TMTC3: variants seen among roughly 807,000 people sequenced by gnomAD.
The protein encoded by TMTC3 is protein O-mannosyl-transferase TMTC3.
TMTC3 carries 52 observed loss-of-function variants against 92.2 expected under a neutral mutation model. The observed-to-expected ratio is 0.56, with a 90% CI of 0.45 to 0.71. The LOEUF (loss-of-function observed/expected upper bound fraction) is 0.71. TMTC3 is among the 30% of genes least tolerant of loss of function. The probability of loss-of-function intolerance (pLI) is 0.00; values close to 1 mark genes in which losing one functional copy is unlikely to be tolerated. For missense variants in TMTC3, 896 were observed against 1,057.1 expected, an observed-to-expected ratio of 0.85 and a Z score of 2.11; for synonymous variants, 339 against 363.3, an observed-to-expected ratio of 0.93 and a Z score of 0.76.
At chr12:88,192,096 G>T (rs1388362584) in intron 12 of TMTC3, among the ~76,000 whole-genome samples, 5 of 147,600 alleles carry the variant, frequency 3.4e-5, no homozygotes, top group African/African-American at 1.3e-4. Context: ...TATAAGAAGG[G>T]GTTACAGATT....
At chr12:88,146,466 G>C (rs2040875017) in intron 1 of TMTC3, among the ~76,000 whole-genome samples, 1 of 151,908 alleles carries the variant, frequency 6.6e-6, no homozygotes, top group African/African-American at 2.4e-5. Flanking sequence ...GCAGAGACTA[G>C]TTTTCAAAGC....
chr12:88,185,327 C>G (rs2041364391), intron 10 of TMTC3, among the ~76,000 whole-genome samples: 1 of 151,672 alleles, frequency 6.6e-6, no homozygotes, highest in East Asian at 1.9e-4. Flanking sequence ...GAATTATACT[C>G]TATGGACTCT....
At chr12:88,158,710 T>C (rs1468503612) in intron 4 of TMTC3, among the ~76,000 whole-genome samples, 1 of 152,114 alleles carries the variant, frequency 6.6e-6, no homozygotes, top group Non-Finnish European at 1.5e-5. Flanking sequence ...TATATTTAGA[T>C]TTAAGTCAAT....
At chr12:88,144,017 C>T (rs2040836089) in intron 1 of TMTC3, among the ~76,000 whole-genome samples, 1 of 152,140 alleles carries the variant, frequency 6.6e-6, no homozygotes, top group Non-Finnish European at 1.5e-5. Context: ...TTTTAGGATG[C>T]TAATGCATTA....
In TMTC3 at chr12:88,184,416, G is replaced by A. The variant is rs142584904; in HGVS notation, c.1433-4427G>A. On this transcript the variant is annotated intron_variant, in intron 10 of 13. Transcript: ENST00000266712. ...CAGACTCCTGATAAGAGAATCTGGC[G>A]GCCTTCAGCCATAATTCCCTTCGGA... Among the ~76,000 whole-genome samples the A allele has an allele frequency of 4.2e-4, 64 of 152,272 alleles. 1 individual carries two copies. The highest frequency in any genetic ancestry group is 1.4e-3 in the African/African-American group (57 of 41,550).
intron 10 of TMTC3, among the ~76,000 whole-genome samples, chr12:88,185,563 T>C (rs1383210608): frequency 6.6e-6 from 1 of 152,184 alleles, no homozygotes; most frequent in Non-Finnish European, 1.5e-5. Flanking sequence ...TACCAGTCTT[T>C]ATGGATATAT....
intron 10 of TMTC3, among the ~76,000 whole-genome samples, chr12:88,185,228 C>T (rs919743664): frequency 1.4e-4 from 21 of 152,206 alleles, no homozygotes; most frequent in Middle Eastern, 6.8e-3. Flanking sequence ...CTGATACCTC[C>T]CTCTTACCCC....
At chr12:88,194,408 A>G (rs2041483280) in intron 13 of TMTC3, among the ~76,000 whole-genome samples, 2 of 152,174 alleles carry the variant, frequency 1.3e-5, no homozygotes, top group Admixed American at 6.6e-5. Context: ...GATATACAAC[A>G]TACAATTATT....
intron 10 of TMTC3, among the ~76,000 whole-genome samples, chr12:88,184,324 T>C (rs115256339): frequency 4.1e-4 from 62 of 152,360 alleles, no homozygotes; most frequent in African/African-American, 1.1e-3. Context: ...GGTTGATTTC[T>C]AGAGAAAGGA....
intron 7 of TMTC3, among the ~76,000 whole-genome samples, chr12:88,167,428 G>A (rs2041157207): frequency 6.6e-6 from 1 of 152,020 alleles, no homozygotes; most frequent in Admixed American, 6.6e-5. Context: ...AAAAATAAAA[G>A]TTTATTGAAG....
Position 88,192,794 on chromosome 12 carries a change from G to T in TMTC3, c.1897G>T (p.Ala633Ser). ...ALELNPKHKL[A>S]LFNSAIVMQE... ...GGAACTAAATCCAAAGCATAAACTA[G>T]CATTATTCAACTCTGCTATAGTAAT... The change falls in exon 13 of 14, where the codon GCA becomes TCA. Residue 633 changes from alanine to serine, a missense_variant. Physicochemically the swap from Ala to Ser is moderately conservative, Grantham distance 99. Transcript: ENST00000266712. 9.9e-6 allele frequency: 16 copies of T among 1,612,814 alleles called. No individual in the cohort carries two copies. The highest frequency in any genetic ancestry group is 1.4e-5 in the Non-Finnish European group (16 of 1,179,560).
At chr12:88,173,989 A>G (rs2041232269) in intron 8 of TMTC3, among the ~76,000 whole-genome samples, 1 of 152,116 alleles carries the variant, frequency 6.6e-6, no homozygotes, top group Non-Finnish European at 1.5e-5. Flanking sequence ...ACCATGTTAC[A>G]GGAACAAAAA....
chr12:88,180,028 C>T (rs1368659829), intron 10 of TMTC3, among the ~76,000 whole-genome samples: 10 of 152,168 alleles, frequency 6.6e-5, no homozygotes. Context: ...GCATCTTTCC[C>T]TATAACTTTT....
chr12:88,190,334 A>G (rs1214274844), intron 11 of TMTC3, 119 bp from the exon 12 acceptor site: 4 of 820,108 alleles, frequency 4.9e-6, no homozygotes, highest in Non-Finnish European at 5.6e-6. Context: ...CTGATCTCTC[A>G]GTCCAGTGTA....
chr12:88,192,027 T>C (rs1269719226), intron 12 of TMTC3, among the ~76,000 whole-genome samples: 2 of 141,066 alleles, frequency 1.4e-5, no homozygotes, highest in Non-Finnish European at 3.0e-5. Context: ...TTTTTTTTTT[T>C]CTTTTTTTTT....
chr12:88,154,005 G>A (rs1456523123), intron 3 of TMTC3, among the ~76,000 whole-genome samples: 1 of 151,922 alleles, frequency 6.6e-6, no homozygotes, highest in East Asian at 1.9e-4. Flanking sequence ...GAGAAAGCTG[G>A]ATAAAGAGTA....
Position 88,148,301 on chromosome 12 carries a change from G to A in TMTC3, c.-15G>A. On this transcript the variant is annotated 5_prime_UTR_variant, in exon 2 of 14. The change creates a new upstream start codon in the 5' untranslated region. Transcript: ENST00000266712. ...TTTTTTTTCCAGTTTTTGTCCAGAA[G>A]TGCTTATAGAAAAGATGGCTAATAT... is the stretch of plus-strand genomic sequence containing the variant. The A allele has an allele frequency of 3.8e-6, 6 of 1,585,440 alleles. No individual in the cohort carries two copies. Among genetic ancestry groups the A allele is most frequent in the Non-Finnish European group, 4.3e-6 (5 of 1,165,536 alleles).
intron 2 of TMTC3, among the ~76,000 whole-genome samples, chr12:88,152,384 A>T (rs1323036198): frequency 1.3e-5 from 2 of 152,078 alleles, no homozygotes; most frequent in African/African-American, 4.8e-5. Context: ...AACCATTCAT[A>T]AAGGACCCAA....
At chr12:88,147,943 C>T (rs1207498155) in intron 1 of TMTC3, among the ~76,000 whole-genome samples, 1 of 151,916 alleles carries the variant, frequency 6.6e-6, no homozygotes, top group Non-Finnish European at 1.5e-5. Context: ...TTTTACTTAG[C>T]CTTTATTTTC....
Sources: gnomAD v4.1 joint callset for allele counts (sites outside exome capture counted in the v4.1 genomes callset) on GRCh38, gnomAD v4.1.1 for gene constraint, MANE v1.5 for transcripts, NCBI Gene and HGNC (gene_info 2026-07-23, HGNC 2026-07-21) for gene names.